Variants in ADD1 observed in about 807,000 individuals in gnomAD.
The protein encoded by ADD1 is adducin 1.
Under a neutral mutation model 80.5 loss-of-function variants are expected in ADD1, and 24 were observed. That is an observed-to-expected ratio of 0.30 (90% CI 0.22 to 0.42). The LOEUF (loss-of-function observed/expected upper bound fraction) is 0.42. Ranked by LOEUF, ADD1 falls within the 10% of genes least tolerant of loss-of-function variation. ADD1 has a pLI of 1.00. For missense variants in ADD1, 948 were observed against 1,019.0 expected (o/e 0.93, Z 0.95); for synonymous variants, 373 against 393.8 (o/e 0.95, Z 0.63).
intron 14 of ADD1, 138 bp from the exon 15 acceptor site, chr4:2,925,876 A>T: frequency 1.6e-6 from 1 of 642,126 alleles, no homozygotes; most frequent in Non-Finnish European, 2.8e-6. Context: ...TCTCTTGGAG[A>T]GGATCAGGGA....
chr4:2,924,293 C>CA (rs1740597076), intron 14 of ADD1, among the ~76,000 whole-genome samples: 1 of 152,222 alleles, frequency 6.6e-6, no homozygotes, highest in South Asian at 2.1e-4. Flanking sequence ...AGCAGGTCTC[C>CA]AAAGCCTATT....
rs1712600911 is a variant in ADD1 at position 2,929,315 on chromosome 4, TG to T, written c.*793del. On this transcript the variant is annotated 3_prime_UTR_variant, in exon 16 of 16. Coordinates refer to ENST00000683351, the MANE Select transcript of ADD1 (RefSeq NM_001354761.2). ...CTGTGAACGTGAATAGGCTGCTTTT[TG>T]CTTTCTTCTTTCCAGACCCCACAGT... The T allele has an allele frequency of 6.6e-6, 1 of 152,278 alleles. No individual in the cohort carries two copies. Among genetic ancestry groups the T allele is most frequent in the Admixed American group, 6.5e-5 (1 of 15,284 alleles). The allele number at this position is 152,278 out of a possible 1,614,324, so 9.4% of individuals were successfully genotyped here.
At chr4:2,890,641 C>T (rs896879923) in intron 4 of ADD1, among the ~76,000 whole-genome samples, 7 of 152,130 alleles carry the variant, frequency 4.6e-5, no homozygotes, top group African/African-American at 1.7e-4. Context: ...ATCTCCTGAC[C>T]TTGTGATCCG....
intron 1 of ADD1, 112 bp from the exon 2 acceptor site, chr4:2,875,784 G>T: frequency 1.2e-6 from 1 of 867,936 alleles, no homozygotes; most frequent in Non-Finnish European, 1.7e-6. Flanking sequence ...ACTGTCAGTT[G>T]GTCATTACAT....
At chr4:2,874,759 T>A (rs1455446365) in intron 1 of ADD1, among the ~76,000 whole-genome samples, 1 of 152,200 alleles carries the variant, frequency 6.6e-6, no homozygotes, top group East Asian at 1.9e-4. Flanking sequence ...AATAAAAATA[T>A]CTTTTTTGCA....
At chr4:2,884,418 T>C (rs894964680) in intron 3 of ADD1, 97 bp from the exon 4 acceptor site, 13 of 982,338 alleles carry the variant, frequency 1.3e-5, no homozygotes, top group Admixed American at 8.1e-5. Flanking sequence ...CTCAAACTCA[T>C]GGCTTCAAGT....
Position 2,928,171 on chromosome 4 carries a change from A to T in ADD1, c.2048A>T (p.Asp683Val). The stretch of plus-strand genomic sequence containing the variant: ...TCCCATCTCTCACCTCACCCACTAG[A>T]CCTTGTGCCGGAGCCGACTACTGGA... ...PPSTPIKLEE[D>V]LVPEPTTGDD... The change falls in exon 16 of 16, where the codon GAC (aspartate) becomes GTC (valine). Residue 683 changes from aspartate (D) to valine (V), a missense_variant and splice_region_variant. Coordinates refer to ENST00000683351, the MANE Select transcript of ADD1 (RefSeq NM_001354761.2). 6.2e-7 allele frequency: 1 copy of T among 1,613,796 alleles called. No individual in the cohort carries two copies. The highest frequency in any genetic ancestry group is 8.5e-7 in the Non-Finnish European group (1 of 1,179,874).
At chr4:2,915,107 G>A (rs1329014975) in intron 14 of ADD1, 67 bp downstream of exon 14, 3 of 1,504,342 alleles carry the variant, frequency 2.0e-6, no homozygotes, top group Non-Finnish European at 2.7e-6. Context: ...CTTCTTTGTG[G>A]TCCAGGTGCT....
chr4:2,852,437 G>A (rs887804475), intron 1 of ADD1, among the ~76,000 whole-genome samples: 1 of 142,794 alleles, frequency 7.0e-6, no homozygotes, highest in African/African-American at 2.6e-5. Context: ...AGCGATTCTT[G>A]TGCCCCAGCG....
chr4:2,882,331 A>G (rs1344733260), intron 3 of ADD1, among the ~76,000 whole-genome samples: 1 of 152,120 alleles, frequency 6.6e-6, no homozygotes, highest in Non-Finnish European at 1.5e-5. Context: ...TATGTAGATT[A>G]AAATAAACTA....
chr4:2,926,563 T>A lies in ADD1; in HGVS notation c.2047+451T>A, dbSNP rs1244040471. The A allele has an allele frequency of 3.2e-6, 5 of 1,542,030 alleles. No individual in the cohort carries two copies. The highest frequency in any genetic ancestry group is 4.4e-6 in the Non-Finnish European group (5 of 1,124,056). ...AAGCCCGTGGCCCTGCCTTTCTTCT[T>A]CTGTAACCTGATGGCTGTGACTGAA... On this transcript the variant is annotated intron_variant, in intron 15 of 15. Coordinates refer to ENST00000683351, the MANE Select transcript of ADD1 (RefSeq NM_001354761.2). This position sits in a 1 kb window ranked among gnomAD's most constrained non-coding sequence, Gnocchi z 5.0.
At chr4:2,888,753 G>A (rs1733818158) in intron 4 of ADD1, among the ~76,000 whole-genome samples, 1 of 152,024 alleles carries the variant, frequency 6.6e-6, no homozygotes, top group Non-Finnish European at 1.5e-5. Context: ...TAAGTATTCA[G>A]CAGTAGATAG....
chr4:2,858,805 A>G (rs1399795903), intron 1 of ADD1, among the ~76,000 whole-genome samples: 1 of 152,220 alleles, frequency 6.6e-6, no homozygotes, highest in Non-Finnish European at 1.5e-5. Flanking sequence ...TTGGCCACGT[A>G]GTGAGACCAT....
At position 2,843,884 on chromosome 4, in the gene ADD1, C is replaced by T. The variant is rs1725755203; in HGVS notation, c.-161C>T. ...ACCCAGGTCGGGCGGTGGGGGCGAG[C>T]GGAGGGGCTGAGGGGCGGAGAGGCC... On this transcript the variant is annotated 5_prime_UTR_variant, in exon 1 of 16. Coordinates refer to ENST00000683351, the MANE Select transcript of ADD1 (RefSeq NM_001354761.2). The T allele has an allele frequency of 1.3e-5, 2 of 152,076 alleles. No individual in the cohort carries two copies. Among genetic ancestry groups the T allele is most frequent in the African/African-American group, 2.4e-5 (1 of 41,278 alleles). The allele number at this position is 152,076 out of a possible 1,614,324, so 9.4% of individuals were successfully genotyped here.
chr4:2,878,736 G>A (rs1731756656), intron 2 of ADD1, among the ~76,000 whole-genome samples: 1 of 152,188 alleles, frequency 6.6e-6, no homozygotes, highest in Non-Finnish European at 1.5e-5. Context: ...GCTGCAGTGA[G>A]CTATGATTGC....
chr4:2,895,582 C>T (rs532259116), intron 6 of ADD1, among the ~76,000 whole-genome samples: 116 of 152,124 alleles, frequency 7.6e-4, no homozygotes, highest in African/African-American at 2.5e-3. Flanking sequence ...TGGATTGTGA[C>T]GGGGAAGAAG....
intron 4 of ADD1, among the ~76,000 whole-genome samples, chr4:2,885,831 C>A (rs182455421): frequency 1.7e-4 from 26 of 152,134 alleles, no homozygotes; most frequent in South Asian, 6.2e-4. Context: ...AGGATGGTCT[C>A]GATCTCCTGA....
chr4:2,928,107 T>C (rs972404362), intron 15 of ADD1, 64 bp from the exon 16 acceptor site: 4 of 1,458,354 alleles, frequency 2.7e-6, no homozygotes, highest in Non-Finnish European at 3.8e-6. Flanking sequence ...GGCTCCCCCA[T>C]CTCAAGCTGC....
chr4:2,853,661 T>A (rs1325589401), intron 1 of ADD1: 1 of 152,122 alleles, frequency 6.6e-6, no homozygotes, highest in East Asian at 1.9e-4. Flanking sequence ...TGGAGTGCAA[T>A]GGTGCAATCA....
Sources: gnomAD v4.1 joint callset for allele counts (sites outside exome capture counted in the v4.1 genomes callset) on GRCh38, gnomAD v4.1.1 for gene constraint, Gnocchi (gnomAD v3.1) non-coding constraint, MANE v1.5 for transcripts, NCBI Gene and HGNC (gene_info 2026-07-23, HGNC 2026-07-21) for gene names.